The following LRFN2 variants were observed in gnomAD, a reference collection of about 807,000 sequenced individuals.
LRFN2 encodes the protein leucine rich repeat and fibronectin type III domain containing 2, also known as leucine-rich repeat and fibronectin type-III domain-containing protein 2.
Under a neutral mutation model 37.3 loss-of-function variants are expected in LRFN2, and 18 were observed. That is an observed-to-expected ratio of 0.48 (90% CI 0.33 to 0.72). The LOEUF (loss-of-function observed/expected upper bound fraction) is 0.72, where lower values mean the gene tolerates loss of function less well. Among genes scored for constraint, LRFN2 ranks in the 30% least tolerant of loss-of-function variants. The probability of loss-of-function intolerance (pLI) is 0.02; values close to 1 mark genes in which losing one functional copy is unlikely to be tolerated. For synonymous variants in LRFN2, 556 were observed against 466.6 expected (o/e 1.19, Z -2.47); for missense variants, 1,006 against 1,060.7 (o/e 0.95, Z 0.72).
intron 1 of LRFN2, among the ~76,000 whole-genome samples, chr6:40,537,128 T>C (rs1766463699): frequency 6.6e-6 from 1 of 152,138 alleles, no homozygotes; most frequent in African/African-American, 2.4e-5. Context: ...CTCTACGTAA[T>C]TGTTTCCAGG....
chr6:40,420,493 G>A (rs113208537), intron 2 of LRFN2, among the ~76,000 whole-genome samples: 1 of 152,216 alleles, frequency 6.6e-6, no homozygotes, highest in Non-Finnish European at 1.5e-5. Flanking sequence ...CCCCAGGCTG[G>A]CCTCAGCCAC....
rs1762542787 is a variant in LRFN2 at position 40,392,872 on chromosome 6, G to A, written c.1441C>T (p.Leu481=). ...AAGTCGTAGCCAGTCCCTGACACCA[G>A]GTTGTTGACCACGAAGGCCTTGTTG... ...ASNKAFVVNN[L]VSGTGYDLCV... The change falls in exon 3 of 3, where the codon CTG becomes TTG. Residue 481 remains leucine, a synonymous_variant. Coordinates refer to ENST00000338305, the MANE Select transcript of LRFN2 (RefSeq NM_020737.3). The surrounding 1 kb of genome is among the most constrained non-coding windows in gnomAD (Gnocchi z 4.7). 1.3e-5 allele frequency: 21 copies of A among 1,613,370 alleles called. No homozygotes were observed. Among genetic ancestry groups the A allele is most frequent in the Non-Finnish European group, 1.7e-5 (20 of 1,179,710 alleles).
chr6:40,506,604 T>C (rs1471815357), intron 1 of LRFN2, among the ~76,000 whole-genome samples: 1 of 151,954 alleles, frequency 6.6e-6, no homozygotes, highest in East Asian at 1.9e-4. Context: ...TGCTGGCGGG[T>C]TCCCCAGGCA....
chr6:40,551,324 G>T (rs529362587), intron 1 of LRFN2, among the ~76,000 whole-genome samples: 13 of 152,198 alleles, frequency 8.5e-5, no homozygotes, highest in Non-Finnish European at 1.9e-4. Flanking sequence ...AGAAAGCAGG[G>T]TATATAGACA....
intron 2 of LRFN2, among the ~76,000 whole-genome samples, chr6:40,414,248 C>T (rs918291345): frequency 1.3e-5 from 2 of 152,200 alleles, no homozygotes; most frequent in Admixed American, 1.3e-4. Context: ...GGGGCCCACA[C>T]TGTGGGCACT....
At chr6:40,504,112 C>A (rs1765463699) in intron 1 of LRFN2, among the ~76,000 whole-genome samples, 1 of 152,090 alleles carries the variant, frequency 6.6e-6, no homozygotes, top group African/African-American at 2.4e-5. Context: ...TCAGAAAGAC[C>A]AATGCAGACA....
intron 1 of LRFN2, among the ~76,000 whole-genome samples, chr6:40,518,168 A>G (rs1234033865): frequency 2.0e-5 from 3 of 152,200 alleles, no homozygotes; most frequent in Non-Finnish European, 4.4e-5. Flanking sequence ...TCAATTAGAC[A>G]ACAATAAGAA....
chr6:40,494,207 G>C (rs1342376706), intron 1 of LRFN2, among the ~76,000 whole-genome samples: 1 of 152,218 alleles, frequency 6.6e-6, no homozygotes, highest in African/African-American at 2.4e-5. Context: ...GTTCCTAACA[G>C]GGTCACCTGG....
chr6:40,516,569 G>A (rs1186368038), intron 1 of LRFN2: 1 of 152,184 alleles, frequency 6.6e-6, no homozygotes, highest in Non-Finnish European at 1.5e-5. Flanking sequence ...TCTAGTTGAT[G>A]CCACCTGCTT....
chr6:40,564,023 C>A (rs1270652308), intron 1 of LRFN2, among the ~76,000 whole-genome samples: 1 of 152,194 alleles, frequency 6.6e-6, no homozygotes, highest in Non-Finnish European at 1.5e-5. Context: ...TTAATAATAA[C>A]CCTGTAAGGT....
At chr6:40,453,547 CACACACA>C (rs1561862290) in intron 1 of LRFN2, among the ~76,000 whole-genome samples, 10 of 150,424 alleles carry the variant, frequency 6.6e-5, no homozygotes, top group African/African-American at 2.0e-4. Flanking sequence ...CACACACACA[CACACACA>C]CCTCCCTTTG....
chr6:40,489,033 C>T (rs1765030044), intron 1 of LRFN2, among the ~76,000 whole-genome samples: 1 of 152,164 alleles, frequency 6.6e-6, no homozygotes. Flanking sequence ...AGCACATAGC[C>T]TGCTGTGAAG....
chr6:40,465,553 G>C (rs997660992), intron 1 of LRFN2, among the ~76,000 whole-genome samples: 6 of 152,094 alleles, frequency 3.9e-5, no homozygotes, highest in African/African-American at 1.4e-4. Context: ...TCCTGACTTG[G>C]TTTACTTCTG....
At chr6:40,450,977 G>A (rs962825172) in intron 1 of LRFN2, among the ~76,000 whole-genome samples, 4 of 152,182 alleles carry the variant, frequency 2.6e-5, no homozygotes, top group Admixed American at 6.5e-5. Flanking sequence ...TGGGCTATAG[G>A]TGCCACTCAC....
intron 1 of LRFN2, among the ~76,000 whole-genome samples, chr6:40,576,443 A>G (rs1485742434): frequency 6.6e-6 from 1 of 152,224 alleles, no homozygotes; most frequent in Admixed American, 6.5e-5. Flanking sequence ...ACCAATATAC[A>G]GTAAATATCA....
rs886591551 is a variant in LRFN2 at position 40,530,551 on chromosome 6, G to A, written c.-19+56390C>T. Among the ~76,000 whole-genome samples, 5 of 152,064 alleles carry A rather than the reference G, an allele frequency of 3.3e-5. No homozygotes were observed. In the East Asian group the frequency reaches 7.7e-4, roughly 24 times the overall value. ...CTCTATAACGCTCTGTTCTTCCTGA[G>A]TTTGTCCTCTCTCTGATCACCCCTT... is the stretch of plus-strand genomic sequence containing the variant. On this transcript the variant is annotated intron_variant, in intron 1 of 2. Transcript: ENST00000338305.
At chr6:40,452,143 T>A (rs963539148) in intron 1 of LRFN2, among the ~76,000 whole-genome samples, 1 of 152,188 alleles carries the variant, frequency 6.6e-6, no homozygotes, top group Non-Finnish European at 1.5e-5. Context: ...AAGTGTCCAA[T>A]CTTACCACCC....
intron 1 of LRFN2, among the ~76,000 whole-genome samples, chr6:40,494,469 T>C (rs1187758815): frequency 6.6e-6 from 1 of 152,184 alleles, no homozygotes; most frequent in Non-Finnish European, 1.5e-5. Context: ...TTAAAACCCT[T>C]TCATTATATA....
intron 1 of LRFN2, among the ~76,000 whole-genome samples, chr6:40,449,365 C>T (rs908161991): frequency 3.3e-5 from 5 of 152,110 alleles, no homozygotes; most frequent in Admixed American, 2.0e-4. Flanking sequence ...AAAAGGCCAC[C>T]CCCAAATAAA....
Sources: gnomAD v4.1 joint callset for allele counts (sites outside exome capture counted in the v4.1 genomes callset) on GRCh38, gnomAD v4.1.1 for gene constraint, Gnocchi (gnomAD v3.1) non-coding constraint, MANE v1.5 for transcripts, NCBI Gene and HGNC (gene_info 2026-07-23, HGNC 2026-07-21) for gene names.